RPS6KC1: variants seen among roughly 807,000 people sequenced by gnomAD.
RPS6KC1 encodes ribosomal protein S6 kinase C1.
RPS6KC1 carries 54 observed loss-of-function variants against 103.8 expected under a neutral mutation model. That is an observed-to-expected ratio of 0.52 (90% confidence interval 0.42 to 0.65). RPS6KC1 has a LOEUF of 0.65. Among genes scored for constraint, RPS6KC1 ranks in the 30% least tolerant of loss-of-function variants. The pLI, the probability that RPS6KC1 is intolerant of heterozygous loss-of-function variation, is 0.00. For missense variants in RPS6KC1, 1,151 were observed against 1,253.8 expected, an observed-to-expected ratio of 0.92 and a Z score of 1.24; for synonymous variants, 439 against 438.7, an observed-to-expected ratio of 1.00 and a Z score of -0.01.
the RPS6KC1 span, among the ~76,000 whole-genome samples, chr1:213,418,277 G>A: frequency 1.3e-4 from 20 of 152,294 alleles, no homozygotes; most frequent in South Asian, 2.1e-4. Context: ...GCCCAGGGTC[G>A]TGTGTAACAC....
chr1:213,852,378 C>A, the RPS6KC1 span, among the ~76,000 whole-genome samples: 3 of 151,806 alleles, frequency 2.0e-5, no homozygotes, highest in East Asian at 1.9e-4. Flanking sequence ...GTGAACATAT[C>A]TTTACCTAAT....
the RPS6KC1 span, among the ~76,000 whole-genome samples, chr1:213,593,660 G>C: frequency 5.3e-5 from 8 of 152,058 alleles, no homozygotes; most frequent in African/African-American, 1.7e-4. Context: ...GGAGGGGAAG[G>C]CATTCGTGGT....
chr1:213,656,666 G>T, the RPS6KC1 span, among the ~76,000 whole-genome samples: 3 of 152,042 alleles, frequency 2.0e-5, no homozygotes, highest in Admixed American at 6.5e-5. Flanking sequence ...CTGGGTCCAG[G>T]GTCCATTCCT....
In RPS6KC1 at chr1:213,241,201, C is replaced by T. The variant is rs371947868; in HGVS notation, c.1725C>T (p.Asn575=). ...CTCACGAGCTGAAGTTCTTCCCCAACGATGACCCAGAAGCAGTTAGTTCTC... is the reference window on the plus strand; with the variant it reads ...CTCACGAGCTGAAGTTCTTCCCCAATGATGACCCAGAAGCAGTTAGTTCTC... ...LRAHELKFFP[N]DDPEAVSSPR... The change falls in exon 11 of 15, where the codon AAC becomes AAT. Residue 575 remains asparagine, a synonymous_variant. Transcript: ENST00000366960. 22 of 1,613,610 alleles carry T rather than the reference C, an allele frequency of 1.4e-5. No individual in the cohort carries two copies. Among genetic ancestry groups the T allele is most frequent in the Middle Eastern group, 3.3e-4 (2 of 6,078 alleles).
At chr1:213,121,245 A>C (rs1440976649) in intron 5 of RPS6KC1, among the ~76,000 whole-genome samples, 3 of 152,150 alleles carry the variant, frequency 2.0e-5, no homozygotes, top group Admixed American at 1.3e-4. Flanking sequence ...TGTTTTTTAA[A>C]ATTACAGTTA....
chr1:213,055,533 T>G (rs183218151), intron 1 of RPS6KC1, among the ~76,000 whole-genome samples: 40 of 152,374 alleles, frequency 2.6e-4, no homozygotes, highest in Non-Finnish European at 4.7e-4. Context: ...TGAACATTCA[T>G]ATACAAGTCT....
chr1:213,128,498 G>GAA (rs1244072806), intron 5 of RPS6KC1, among the ~76,000 whole-genome samples: 1 of 152,140 alleles, frequency 6.6e-6, no homozygotes, highest in Non-Finnish European at 1.5e-5. Context: ...CCTGGGAGCA[G>GAA]AAAGTCTGAT....
intron 12 of RPS6KC1, among the ~76,000 whole-genome samples, chr1:213,254,958 A>G (rs1234343446): frequency 6.6e-6 from 1 of 151,900 alleles, no homozygotes; most frequent in Non-Finnish European, 1.5e-5. Flanking sequence ...TATAGGAAAA[A>G]TGTTTTGAAA....
intron 10 of RPS6KC1, among the ~76,000 whole-genome samples, chr1:213,236,549 A>T (rs777260401): frequency 6.6e-6 from 1 of 152,194 alleles, no homozygotes; most frequent in South Asian, 2.1e-4. Context: ...ATTGCTTTTA[A>T]TAAAGCCCTT....
the RPS6KC1 span, among the ~76,000 whole-genome samples, chr1:213,377,908 T>C: frequency 6.6e-6 from 1 of 152,214 alleles, no homozygotes; most frequent in Non-Finnish European, 1.5e-5. Flanking sequence ...ATTGGGACTT[T>C]AGTCCTAAAA....
At chr1:213,059,612 C>T (rs1378002075) in intron 1 of RPS6KC1, among the ~76,000 whole-genome samples, 1 of 152,132 alleles carries the variant, frequency 6.6e-6, no homozygotes, top group African/African-American at 2.4e-5. Flanking sequence ...CTTCCGGGTT[C>T]AAGTGATTCT....
chr1:213,244,771 C>G (rs1457614069), intron 12 of RPS6KC1, among the ~76,000 whole-genome samples: 3 of 152,060 alleles, frequency 2.0e-5, no homozygotes, highest in Non-Finnish European at 4.4e-5. Flanking sequence ...CTTAGTTGAC[C>G]AGCAGGTGGC....
At chr1:213,343,401 A>G in the RPS6KC1 span, among the ~76,000 whole-genome samples, 150 of 13,702 alleles carry the variant, frequency 0.011, 8 homozygotes, top group African/African-American at 0.022. Context: ...GTATATATAT[A>G]TATATATATA....
At chr1:213,741,054 A>T in the RPS6KC1 span, among the ~76,000 whole-genome samples, 4 of 147,998 alleles carry the variant, frequency 2.7e-5, no homozygotes, top group African/African-American at 9.8e-5. Context: ...TATAAAAATA[A>T]ATATAAAATA....
At chr1:213,840,779 A>G in the RPS6KC1 span, 2 of 152,122 alleles carry the variant, frequency 1.3e-5, no homozygotes, top group African/African-American at 4.8e-5. Context: ...TCCAGACTTC[A>G]GTTATGTCCA....
At chr1:213,080,774 AG>A (rs748870200) in intron 3 of RPS6KC1, among the ~76,000 whole-genome samples, 1 of 152,300 alleles carries the variant, frequency 6.6e-6, no homozygotes. Context: ...CATTTTGCCC[AG>A]GCTGGTCTTT....
intron 5 of RPS6KC1, among the ~76,000 whole-genome samples, chr1:213,122,361 T>C (rs765667647): frequency 6.6e-6 from 1 of 152,294 alleles, no homozygotes; most frequent in Non-Finnish European, 1.5e-5. Flanking sequence ...GTATAGTTAT[T>C]TAAGTTTGAA....
the RPS6KC1 span, among the ~76,000 whole-genome samples, chr1:213,346,117 A>T: frequency 6.6e-6 from 1 of 152,224 alleles, no homozygotes; most frequent in Non-Finnish European, 1.5e-5. Context: ...TATTAATAAA[A>T]TTTCAGACTT....
the RPS6KC1 span, among the ~76,000 whole-genome samples, chr1:213,394,612 G>T: frequency 6.6e-6 from 1 of 152,158 alleles, no homozygotes; most frequent in East Asian, 1.9e-4. Flanking sequence ...TCTATCCCCA[G>T]GTCTTTGCAG....
Sources: allele counts gnomAD v4.1 joint callset (sites outside exome capture counted in the v4.1 genomes callset), GRCh38; gene constraint gnomAD v4.1.1; transcripts MANE v1.5; gene names NCBI Gene and HGNC (gene_info 2026-07-23, HGNC 2026-07-21).